MYO1D: variants seen among roughly 807,000 people sequenced by gnomAD.
The protein encoded by MYO1D is myosin ID.
In MYO1D, 83 loss-of-function variants were observed where a neutral mutation model predicts 122.0. The observed-to-expected ratio is 0.68, with a 90% CI of 0.57 to 0.82. The LOEUF (loss-of-function observed/expected upper bound fraction) is 0.82, where lower values mean the gene tolerates loss of function less well. MYO1D is among the 40% of genes least tolerant of loss of function. MYO1D has a pLI of 0.00. For synonymous variants in MYO1D, 464 were observed against 446.9 expected (o/e 1.04, Z -0.48); for missense variants, 1,157 against 1,269.5 (o/e 0.91, Z 1.35).
At chr17:32,504,110 T>C (rs1214719736) in intron 21 of MYO1D, among the ~76,000 whole-genome samples, 1 of 152,212 alleles carries the variant, frequency 6.6e-6, no homozygotes, top group African/African-American at 2.4e-5. Flanking sequence ...TCTCTTGTCA[T>C]GAACCAACTG....
intron 21 of MYO1D, among the ~76,000 whole-genome samples, chr17:32,569,679 TA>T (rs1206085737): frequency 2.0e-5 from 3 of 152,222 alleles, no homozygotes; most frequent in African/African-American, 7.2e-5. Flanking sequence ...CAATGATTGG[TA>T]ACTCTCCTCT....
intron 1 of MYO1D, among the ~76,000 whole-genome samples, chr17:32,808,988 C>A (rs200046643): frequency 2.0e-5 from 3 of 151,968 alleles, no homozygotes; most frequent in Admixed American, 6.6e-5. Context: ...AACATGTGTA[C>A]GTATACGTAC....
Position 32,564,729 on chromosome 17 carries a change from G to A in MYO1D, c.2864+40358C>T, listed in dbSNP as rs555678027. On this transcript the variant is annotated intron_variant, in intron 21 of 21. Transcript: ENST00000318217. ...CACAAGACATAACAAAGAGCTGGAAGCCCTTCCACATAGCTGCACCTTTAA... is the reference window on the plus strand; with the variant it reads ...CACAAGACATAACAAAGAGCTGGAAACCCTTCCACATAGCTGCACCTTTAA... Among the ~76,000 whole-genome samples the A allele has an allele frequency of 3.3e-5, 5 of 152,304 alleles. No individual in the cohort carries two copies. The East Asian group carries it at 7.7e-4, about 24-fold the overall frequency.
intron 1 of MYO1D, among the ~76,000 whole-genome samples, chr17:32,835,976 T>C (rs1567665193): frequency 6.6e-6 from 1 of 152,220 alleles, no homozygotes; most frequent in South Asian, 2.1e-4. Context: ...TTGTTTGCTT[T>C]CATTATGAGT....
chr17:32,784,181 AC>A (rs1462312951), intron 1 of MYO1D, among the ~76,000 whole-genome samples: 1 of 152,036 alleles, frequency 6.6e-6, no homozygotes, highest in East Asian at 1.9e-4. Context: ...CAACACTTCC[AC>A]CCACCAAAAC....
chr17:32,596,059 A>G (rs2087489060), intron 21 of MYO1D, among the ~76,000 whole-genome samples: 1 of 152,204 alleles, frequency 6.6e-6, no homozygotes. Context: ...TGGAAGGCAG[A>G]GGAAAGTGAA....
At chr17:32,696,565 C>T (rs1050288259) in intron 16 of MYO1D, among the ~76,000 whole-genome samples, 2 of 152,206 alleles carry the variant, frequency 1.3e-5, no homozygotes, top group African/African-American at 4.8e-5. Context: ...TAGCTCTTTA[C>T]ATCTTGTTAG....
chr17:32,787,718 G>A (rs888015501), intron 1 of MYO1D, among the ~76,000 whole-genome samples: 1 of 151,962 alleles, frequency 6.6e-6, no homozygotes, highest in South Asian at 2.1e-4. Context: ...TGCCAGGCCT[G>A]GTATGTGGTC....
rs35471319 is a variant in MYO1D, at chr17:32,526,605, CTT to C, written c.2865-31692_2865-31691del. 2.6e-3 allele frequency among the ~76,000 whole-genome samples: 374 copies of C among 145,560 alleles called. 6 individuals carry two copies. Among genetic ancestry groups the C allele is most frequent in the Admixed American group, 0.014 (206 of 14,738 alleles). ...TGGTACTTCCTCTTCATAAAGCCTT[CTT>C]TTTTTTTTTTTTGTGGGCTGGTAAG... On this transcript the variant is annotated intron_variant, in intron 21 of 21. Coordinates refer to ENST00000318217, the MANE Select transcript of MYO1D (RefSeq NM_015194.3).
chr17:32,599,413 C>T (rs1188235332), intron 21 of MYO1D, among the ~76,000 whole-genome samples: 2 of 152,216 alleles, frequency 1.3e-5, no homozygotes, highest in Non-Finnish European at 2.9e-5. Flanking sequence ...ATTTCTACCA[C>T]ATCTGCAATA....
intron 1 of MYO1D, among the ~76,000 whole-genome samples, chr17:32,813,699 C>G (rs1426810423): frequency 6.6e-6 from 1 of 152,152 alleles, no homozygotes; most frequent in Non-Finnish European, 1.5e-5. Flanking sequence ...GATGCAAGGG[C>G]CTTCCAAGTC....
At chr17:32,783,142 T>C (rs1005737509) in intron 1 of MYO1D, among the ~76,000 whole-genome samples, 27 of 136,940 alleles carry the variant, frequency 2.0e-4, no homozygotes, top group Non-Finnish European at 1.2e-4. Context: ...TAGTTTTGAA[T>C]AAGCACTGTC....
Position 32,682,599 on chromosome 17 carries a change from T to C in MYO1D, c.2122-23261A>G, listed in dbSNP as rs1179102368. ...TTGGCCCCCACTCTCTTCTGGCTTG[T>C]AGGGTTTCTGCCGAGAGATCAGCTG... On this transcript the variant is annotated intron_variant, in intron 16 of 21. Coordinates refer to ENST00000318217, the MANE Select transcript of MYO1D (RefSeq NM_015194.3). Among the ~76,000 whole-genome samples the C allele has an allele frequency of 2.7e-5, 4 of 148,638 alleles. No homozygotes were observed. In the East Asian group the frequency reaches 5.9e-4, roughly 22 times the overall value.
chr17:32,835,030 CA>C (rs1285873342), intron 1 of MYO1D, among the ~76,000 whole-genome samples: 1 of 151,966 alleles, frequency 6.6e-6, no homozygotes, highest in Non-Finnish European at 1.5e-5. Flanking sequence ...AACAAACAAA[CA>C]AAAAACCACA....
At chr17:32,847,444 C>G (rs2090948272) in intron 1 of MYO1D, among the ~76,000 whole-genome samples, 2 of 152,172 alleles carry the variant, frequency 1.3e-5, no homozygotes, top group Non-Finnish European at 2.9e-5. Flanking sequence ...TAAAGACAAA[C>G]TGCAGGACAT....
intron 21 of MYO1D, among the ~76,000 whole-genome samples, chr17:32,565,785 C>T (rs986745495): frequency 1.4e-4 from 21 of 152,012 alleles, no homozygotes; most frequent in Non-Finnish European, 1.3e-4. Context: ...AGTGCAGTGG[C>T]GAGATCTTGC....
intron 16 of MYO1D, among the ~76,000 whole-genome samples, chr17:32,672,077 GGGAA>G (rs1304834334): frequency 1.3e-5 from 2 of 152,230 alleles, no homozygotes; most frequent in Non-Finnish European, 2.9e-5. Flanking sequence ...ATTGGAGGAA[GGGAA>G]GGGAGTGAGT....
chr17:32,539,033 G>T (rs1000073452), intron 21 of MYO1D, among the ~76,000 whole-genome samples: 1 of 146,524 alleles, frequency 6.8e-6, no homozygotes, highest in African/African-American at 2.4e-5. Context: ...TAGGTTGACT[G>T]GTGCAGCAAA....
At chr17:32,565,716 G>A (rs2087166724) in intron 21 of MYO1D, among the ~76,000 whole-genome samples, 2 of 118,570 alleles carry the variant, frequency 1.7e-5, no homozygotes, top group Non-Finnish European at 3.5e-5. Flanking sequence ...CCACACACCT[G>A]TTTCAGAGTG....
Sources: gnomAD v4.1 joint callset for allele counts (sites outside exome capture counted in the v4.1 genomes callset) on GRCh38, gnomAD v4.1.1 for gene constraint, MANE v1.5 for transcripts, NCBI Gene and HGNC (gene_info 2026-07-23, HGNC 2026-07-21) for gene names.